The following CDH18 variants were observed in gnomAD, a reference collection of about 807,000 sequenced individuals.
CDH18 encodes cadherin-18.
CDH18 carries 31 observed loss-of-function variants against 67.9 expected under a neutral mutation model. The observed-to-expected ratio is 0.46, with a 90% CI of 0.34 to 0.62. The LOEUF (loss-of-function observed/expected upper bound fraction) is 0.62. Ranked by LOEUF, CDH18 falls within the 20% of genes least tolerant of loss-of-function variation. The pLI is 0.01. For missense variants in CDH18, 890 were observed against 975.5 expected (o/e 0.91, Z 1.17); for synonymous variants, 362 against 347.2 (o/e 1.04, Z -0.48).
intron 1 of CDH18, among the ~76,000 whole-genome samples, chr5:20,419,788 T>C (rs1192371916): frequency 2.6e-5 from 4 of 150,976 alleles, no homozygotes; most frequent in Admixed American, 2.0e-4. Flanking sequence ...TGGGACTCTT[T>C]TGGCACTTCA....
At chr5:19,754,150 C>T (rs538579111) in intron 3 of CDH18, among the ~76,000 whole-genome samples, 2 of 152,150 alleles carry the variant, frequency 1.3e-5, no homozygotes, top group African/African-American at 2.4e-5. Flanking sequence ...TGGAATGGTA[C>T]CTCACATCTC....
At chr5:19,710,551 T>A (rs1417868112) in intron 5 of CDH18, among the ~76,000 whole-genome samples, 1 of 152,142 alleles carries the variant, frequency 6.6e-6, no homozygotes, top group Non-Finnish European at 1.5e-5. Context: ...TATTTAGTTT[T>A]CTAAGAGCTC....
At chr5:19,812,640 T>G (rs1023880500) in intron 3 of CDH18, among the ~76,000 whole-genome samples, 5 of 150,728 alleles carry the variant, frequency 3.3e-5, no homozygotes, top group Non-Finnish European at 4.4e-5. Context: ...AAAAATTTGT[T>G]AAGCAGAAAA....
intron 1 of CDH18, among the ~76,000 whole-genome samples, chr5:20,414,426 G>C (rs1191885148): frequency 6.6e-6 from 1 of 152,090 alleles, no homozygotes; most frequent in Admixed American, 6.6e-5. Flanking sequence ...TGGCTATACA[G>C]GAACATAAAC....
At chr5:20,454,439 T>C (rs1750691351) in intron 1 of CDH18, among the ~76,000 whole-genome samples, 1 of 152,110 alleles carries the variant, frequency 6.6e-6, no homozygotes. Context: ...AAAATTGCTG[T>C]GTAGAAAATA....
chr5:20,455,523 A>C (rs1750777326), intron 1 of CDH18, among the ~76,000 whole-genome samples: 1 of 152,124 alleles, frequency 6.6e-6, no homozygotes, highest in Admixed American at 6.6e-5. Context: ...ATAGAATGAG[A>C]AGAGGGGATA....
chr5:19,516,816 G>T (rs1220628879), intron 10 of CDH18, among the ~76,000 whole-genome samples: 1 of 151,842 alleles, frequency 6.6e-6, no homozygotes, highest in Non-Finnish European at 1.5e-5. Context: ...TGGATTCATT[G>T]ATTTTTTGAA....
chr5:20,542,566 A>G (rs1190362153), intron 1 of CDH18, among the ~76,000 whole-genome samples: 1 of 151,882 alleles, frequency 6.6e-6, no homozygotes, highest in Non-Finnish European at 1.5e-5. Flanking sequence ...ATATATACAC[A>G]CATGCTAAAA....
intron 3 of CDH18, among the ~76,000 whole-genome samples, chr5:19,814,135 A>AAT (rs980578396): frequency 2.6e-5 from 4 of 151,864 alleles, no homozygotes; most frequent in Non-Finnish European, 4.4e-5. Context: ...AATAATTTAA[A>AAT]ATAAATAAAG....
chr5:19,741,854 C>T (rs1400573495), intron 4 of CDH18, among the ~76,000 whole-genome samples: 1 of 152,032 alleles, frequency 6.6e-6, no homozygotes, highest in East Asian at 1.9e-4. Context: ...GGGAGGAACA[C>T]CACCGCATTT....
chr5:19,555,881 G>A (rs1738321340), intron 8 of CDH18, among the ~76,000 whole-genome samples: 1 of 152,150 alleles, frequency 6.6e-6, no homozygotes, highest in South Asian at 2.1e-4. Flanking sequence ...TCACTCCCCT[G>A]CTACCTATAA....
chr5:20,166,772 C>G (rs1341782139), intron 2 of CDH18, among the ~76,000 whole-genome samples: 1 of 152,078 alleles, frequency 6.6e-6, no homozygotes, highest in Admixed American at 6.6e-5. Flanking sequence ...TTTTGTTAAC[C>G]CTTTCTTCTT....
chr5:19,910,389 A>G (rs573498961), intron 2 of CDH18, among the ~76,000 whole-genome samples: 1 of 152,224 alleles, frequency 6.6e-6, no homozygotes, highest in South Asian at 2.1e-4. Context: ...GCAGGGATCT[A>G]CGCTCCATTA....
chr5:19,511,890 C>A (rs1197984852), intron 10 of CDH18, among the ~76,000 whole-genome samples: 2 of 152,092 alleles, frequency 1.3e-5, no homozygotes, highest in African/African-American at 2.4e-5. Flanking sequence ...TATCGAGGAG[C>A]CAAATGTTAA....
Position 20,503,277 on chromosome 5 carries a change from AC to A in CDH18, c.-580+72184del, listed in dbSNP as rs1754452514. Among the ~76,000 whole-genome samples the A allele has an allele frequency of 2.7e-5, 4 of 150,886 alleles. 1 individual carries two copies. ...ACATTTTCCCAGCAATGACACAGTGACTTTTTTTTAATTGATATTATATAAG... is the reference window on the plus strand; with the variant it reads ...ACATTTTCCCAGCAATGACACAGTGATTTTTTTTAATTGATATTATATAAG... On this transcript the variant is annotated intron_variant, in intron 1 of 14. Transcript: ENST00000507958.
At chr5:19,658,475 A>G (rs1372908224) in intron 5 of CDH18, among the ~76,000 whole-genome samples, 1 of 152,074 alleles carries the variant, frequency 6.6e-6, no homozygotes, top group South Asian at 2.1e-4. Context: ...CCAATACTTC[A>G]GAGTACTTAT....
At chr5:19,703,190 G>T (rs914513394) in intron 5 of CDH18, among the ~76,000 whole-genome samples, 1 of 152,040 alleles carries the variant, frequency 6.6e-6, no homozygotes, top group African/African-American at 2.4e-5. Context: ...AGCTGGTCTC[G>T]GCAAGTGGTG....
intron 7 of CDH18, among the ~76,000 whole-genome samples, chr5:19,589,120 G>C (rs939306910): frequency 6.6e-6 from 1 of 151,936 alleles, no homozygotes; most frequent in Non-Finnish European, 1.5e-5. Flanking sequence ...CATTCTCCTC[G>C]TTGCCACATG....
chr5:20,130,513 A>C (rs1160940377), intron 2 of CDH18, among the ~76,000 whole-genome samples: 2 of 151,782 alleles, frequency 1.3e-5, no homozygotes, highest in Non-Finnish European at 2.9e-5. Context: ...TTCATCTAAA[A>C]ATTACCATCA....
Sources: allele counts gnomAD v4.1 joint callset (sites outside exome capture counted in the v4.1 genomes callset), GRCh38; gene constraint gnomAD v4.1.1; transcripts MANE v1.5; gene names NCBI Gene and HGNC (gene_info 2026-07-23, HGNC 2026-07-21).